RBM33: variants seen among roughly 807,000 people sequenced by gnomAD.
RBM33 encodes RNA binding motif protein 33.
A neutral mutation model predicts 132.6 loss-of-function variants in RBM33; 28 were observed. The observed-to-expected ratio is 0.21, with a 90% CI of 0.16 to 0.29. The LOEUF (loss-of-function observed/expected upper bound fraction) is 0.29, where lower values mean the gene tolerates loss of function less well. RBM33 is among the 10% of genes least tolerant of loss of function. The pLI is 1.00. For missense variants in RBM33, 1,291 were observed against 1,518.5 expected, an observed-to-expected ratio of 0.85 and a Z score of 2.49; for synonymous variants, 634 against 593.0, an observed-to-expected ratio of 1.07 and a Z score of -1.01.
At chr7:155,723,450 C>G (rs934021813) in intron 9 of RBM33, among the ~76,000 whole-genome samples, 4 of 152,208 alleles carry the variant, frequency 2.6e-5, no homozygotes, top group Non-Finnish European at 5.9e-5. Flanking sequence ...GGAGAGAATG[C>G]AGTTTAAAAT....
chr7:155,678,464 T>C, intron 3 of RBM33, 144 bp from the exon 4 acceptor site: 1 of 551,714 alleles, frequency 1.8e-6, no homozygotes, highest in Non-Finnish European at 3.3e-6. Context: ...ATTTCTTGAT[T>C]ATCCACTGGT....
chr7:155,769,390 G>A (rs930141185), intron 16 of RBM33, among the ~76,000 whole-genome samples: 6 of 152,186 alleles, frequency 3.9e-5, no homozygotes, highest in Non-Finnish European at 7.3e-5. Flanking sequence ...CCTAGTGACC[G>A]ACTTCTCCCG....
intron 9 of RBM33, 40 bp downstream of exon 9, chr7:155,718,483 C>G (rs745566391): frequency 1.3e-6 from 2 of 1,509,712 alleles, no homozygotes; most frequent in Non-Finnish European, 1.8e-6. Context: ...TAGGGATGAG[C>G]ATACATTTAC....
At chr7:155,715,023 C>T (rs1800419090) in intron 8 of RBM33, among the ~76,000 whole-genome samples, 1 of 152,154 alleles carries the variant, frequency 6.6e-6, no homozygotes, top group Non-Finnish European at 1.5e-5. Flanking sequence ...TAACTCCTAA[C>T]CCCTCCTGAC....
chr7:155,712,849 GGC>G (rs1800346739), intron 8 of RBM33, among the ~76,000 whole-genome samples: 2 of 152,242 alleles, frequency 1.3e-5, no homozygotes. Flanking sequence ...GAGTGAAATG[GGC>G]AGGGATTAGA....
At chr7:155,768,701 C>G (rs2117077125) in intron 16 of RBM33, among the ~76,000 whole-genome samples, 1 of 152,378 alleles carries the variant, frequency 6.6e-6, no homozygotes, top group African/African-American at 2.4e-5. Context: ...ACCGCAACCT[C>G]CGCCTCCCGG....
At chr7:155,750,499 T>TA (rs1344380419) in intron 14 of RBM33, among the ~76,000 whole-genome samples, 1 of 152,212 alleles carries the variant, frequency 6.6e-6, no homozygotes, top group Admixed American at 6.5e-5. Flanking sequence ...GAGAATGGTA[T>TA]AGTCTTTGAA....
chr7:155,737,353 C>CTGTGTGTGTGTGTG (rs59512454), intron 9 of RBM33, among the ~76,000 whole-genome samples, 177 bp from the exon 10 acceptor site: 3,160 of 142,818 alleles, frequency 0.022, 109 homozygotes, highest in African/African-American at 0.076. Flanking sequence ...ATGCATGACT[C>CTGTGTGTGTGTGTG]TGTGTGTGTG....
chr7:155,675,044 C>T (rs973484072), intron 3 of RBM33, among the ~76,000 whole-genome samples: 2 of 152,102 alleles, frequency 1.3e-5, no homozygotes, highest in African/African-American at 2.4e-5. Context: ...TGGTGGCTCA[C>T]GCCTATAATC....
intron 1 of RBM33, among the ~76,000 whole-genome samples, chr7:155,662,090 G>A (rs1037915291): frequency 6.6e-5 from 10 of 150,870 alleles, no homozygotes; most frequent in African/African-American, 2.0e-4. Flanking sequence ...CCCCTCCGCC[G>A]AAGCTTCTGA....
At chr7:155,688,943 T>C (rs1799553504) in intron 5 of RBM33, among the ~76,000 whole-genome samples, 1 of 152,174 alleles carries the variant, frequency 6.6e-6, no homozygotes, top group South Asian at 2.1e-4. Flanking sequence ...TCTTTTTTGT[T>C]GTGTCTCTGC....
intron 1 of RBM33, among the ~76,000 whole-genome samples, chr7:155,661,088 TGTGTGTGTG>T (rs1482084688): frequency 4.7e-4 from 68 of 145,298 alleles, no homozygotes; most frequent in African/African-American, 1.7e-3. Context: ...AATTTCTGTG[TGTGTGTGTG>T]GTGTGTGTGT....
At chr7:155,677,687 A>G (rs748221028) in intron 3 of RBM33, among the ~76,000 whole-genome samples, 12 of 152,212 alleles carry the variant, frequency 7.9e-5, no homozygotes, top group African/African-American at 2.2e-4. Context: ...ATTTTTGGCT[A>G]TCAGAAATAC....
chr7:155,694,937 C>T (rs757766427), intron 5 of RBM33, among the ~76,000 whole-genome samples: 66 of 152,122 alleles, frequency 4.3e-4, no homozygotes, highest in Non-Finnish European at 5.9e-4. Flanking sequence ...ATTGCTGAGA[C>T]GGTCTAGAGG....
At position 155,780,350 on chromosome 7, in the gene RBM33, G is replaced by C. The variant is rs1439915851; in HGVS notation, c.*5309G>C. The C allele has an allele frequency of 6.6e-6, 1 of 152,108 alleles. No individual in the cohort carries two copies. Among genetic ancestry groups the C allele is most frequent in the Non-Finnish European group, 1.5e-5 (1 of 67,980 alleles). 9.4% of individuals were successfully genotyped at this position (152,108 alleles called of 1,614,324 possible). A position where few individuals can be genotyped will look rare whatever the true frequency, so the allele number is the denominator to read the frequency against. ...CGTGGGATCCAGGATGGTGTCCTCTGTGAGGACTTGAACTCTGGGGCTTTA... is the reference window on the plus strand; with the variant it reads ...CGTGGGATCCAGGATGGTGTCCTCTCTGAGGACTTGAACTCTGGGGCTTTA... On this transcript the variant is annotated 3_prime_UTR_variant, in exon 18 of 18. Coordinates refer to ENST00000401878, the MANE Select transcript of RBM33 (RefSeq NM_053043.3).
chr7:155,699,249 G>A (rs1563149575), intron 5 of RBM33, among the ~76,000 whole-genome samples: 1 of 152,174 alleles, frequency 6.6e-6, no homozygotes, highest in African/African-American at 2.4e-5. Flanking sequence ...TCTACTCAGT[G>A]TAGTCTGTGG....
Position 155,740,040 on chromosome 7 carries a change from G to T in RBM33, c.2049+14G>T. On this transcript the variant is annotated intron_variant, in intron 12 of 17. Coordinates refer to ENST00000401878, the MANE Select transcript of RBM33 (RefSeq NM_053043.3). ...GGGCTCCGGCATGTAAGTGTCAAGG[G>T]GTGTCTTCCCTGTGTCTTCCTGGGA... 6.6e-7 allele frequency: 1 copy of T among 1,519,496 alleles called. No individual in the cohort carries two copies. The highest frequency in any genetic ancestry group is 8.9e-7 in the Non-Finnish European group (1 of 1,127,202). The allele number at this position is 1,519,496 out of a possible 1,614,324, so 94.1% of individuals were successfully genotyped here.
rs2108192 is a variant in RBM33, at chr7:155,775,262, C to G, written c.*221C>G. 165,085 of 652,302 alleles carry G rather than the reference C, an allele frequency of 0.25. 26,254 individuals are homozygous for G. The highest frequency in any genetic ancestry group is 0.63 in the African/African-American group (34,858 of 55,280). The allele number at this position is 652,302 out of a possible 1,614,324, so 40.4% of individuals were successfully genotyped here. On this transcript the variant is annotated 3_prime_UTR_variant, in exon 18 of 18. Transcript: ENST00000401878. Reference sequence around the variant, plus strand: ...TTGGTGTTAGATTGCTTCACATTCTCTTGTCACCACCAAGAACTCCAAGTT... The same window carrying G: ...TTGGTGTTAGATTGCTTCACATTCTGTTGTCACCACCAAGAACTCCAAGTT...
At chr7:155,773,976 C>T (rs938108078) in intron 16 of RBM33, among the ~76,000 whole-genome samples, 2 of 152,154 alleles carry the variant, frequency 1.3e-5, no homozygotes, top group East Asian at 3.8e-4. Flanking sequence ...TTTCAGATAC[C>T]ACTGTTTAAG....
Sources: allele counts gnomAD v4.1 joint callset (sites outside exome capture counted in the v4.1 genomes callset), GRCh38; gene constraint gnomAD v4.1.1; transcripts MANE v1.5; gene names NCBI Gene and HGNC (gene_info 2026-07-23, HGNC 2026-07-21).